The following ENO4 variants were observed in gnomAD, a reference collection of about 807,000 sequenced individuals.
The protein encoded by ENO4 is enolase 4.
Under a neutral mutation model 63.2 loss-of-function variants are expected in ENO4, and 53 were observed. The ratio of observed to expected loss-of-function variants is 0.84; its 90% confidence interval spans 0.67 to 1.05. ENO4 has a LOEUF of 1.05. Among genes scored for constraint, ENO4 ranks in the 50% least tolerant of loss-of-function variants. ENO4 has a pLI of 0.00. For missense variants in ENO4, 719 were observed against 772.0 expected, an observed-to-expected ratio of 0.93 and a Z score of 0.81; for synonymous variants, 266 against 283.8, an observed-to-expected ratio of 0.94 and a Z score of 0.63.
chr10:116,886,566 C>T (rs890364912), downstream of ENO4: 2 of 1,613,740 alleles, frequency 1.2e-6, no homozygotes, highest in Non-Finnish European at 1.7e-6. Flanking sequence ...TACTGGGAGG[C>T]CTATGAGATG....
chr10:116,883,473 T>C (rs1375818234), downstream of ENO4: 1 of 152,194 alleles, frequency 6.6e-6, no homozygotes, highest in African/African-American at 2.4e-5. Flanking sequence ...TAATGACAGA[T>C]GGTTATCCAT....
intron 6 of ENO4, among the ~76,000 whole-genome samples, chr10:116,862,316 T>C (rs751298630): frequency 4.5e-4 from 69 of 152,032 alleles, no homozygotes; most frequent in Non-Finnish European, 1.2e-4. Flanking sequence ...ATACAAAAAT[T>C]AGCCAGGCAT....
At position 116,856,758 on chromosome 10, in the gene ENO4, T is replaced by C. The variant is rs569113526; in HGVS notation, c.485+76T>C. The C allele has an allele frequency of 6.4e-5, 81 of 1,272,252 alleles. No homozygotes were observed. In the African/African-American group the frequency reaches 1.1e-3, roughly 17 times the overall value. 78.8% of individuals were successfully genotyped at this position (1,272,252 alleles called of 1,614,324 possible). On this transcript the variant is annotated intron_variant, in intron 3 of 13. Coordinates refer to ENST00000341276, the MANE Select transcript of ENO4 (RefSeq NM_001242699.2). Reference sequence around the variant, plus strand: ...GGCTCACGCCTGTAATCCCAGCACTTTGGGAGGCCGAGGCGGGCAGATCAC... The same window carrying C: ...GGCTCACGCCTGTAATCCCAGCACTCTGGGAGGCCGAGGCGGGCAGATCAC...
chr10:116,856,845 C>G (rs1234660536), intron 3 of ENO4, among the ~76,000 whole-genome samples, 163 bp downstream of exon 3: 1 of 152,036 alleles, frequency 6.6e-6, no homozygotes, highest in Non-Finnish European at 1.5e-5. Flanking sequence ...AAAAATTAGC[C>G]GGGCATGGTG....
At chr10:116,879,766 C>T (rs1232590899) in intron 12 of ENO4, 103 bp from the exon 13 acceptor site, 1 of 899,450 alleles carries the variant, frequency 1.1e-6, no homozygotes, top group East Asian at 2.7e-5. Context: ...AGAGAAAATC[C>T]CAAACAGCAC....
rs200148824 is a variant in ENO4 at position 116,879,342 on chromosome 10, A to T, written c.1589A>T (p.Asp530Val). 2.5e-4 allele frequency: 382 copies of T among 1,550,104 alleles called. No homozygotes were observed. The highest frequency in any genetic ancestry group is 1.5e-3 in the Middle Eastern group (9 of 6,016). ...FGSTEGESSD[D>V]SLVDLAVGLG... ...AGTACAGAAGGAGAATCATCTGATGACAGCCTTGTCGATTTGGTAAGTGCT... is the reference window on the plus strand; with the variant it reads ...AGTACAGAAGGAGAATCATCTGATGTCAGCCTTGTCGATTTGGTAAGTGCT... The change falls in exon 12 of 14, where the codon GAC becomes GTC. Residue 530 changes from aspartate to valine, a missense_variant. Asp to Val is a radical substitution (Grantham distance 152, BLOSUM62 -3). Around this residue, in one of 3 missense-constraint regions of ENO4, gnomAD observed 168 missense variants for 163.3 expected, o/e 1.03. Coordinates refer to ENST00000341276, the MANE Select transcript of ENO4 (RefSeq NM_001242699.2).
At chr10:116,898,199 G>A (rs563204580) in intron 10 of ENO4, among the ~76,000 whole-genome samples, 2 of 152,070 alleles carry the variant, frequency 1.3e-5, no homozygotes, top group Non-Finnish European at 2.9e-5. Context: ...ATGGTGGCAG[G>A]CACCTGTAAT....
chr10:116,899,093 T>C (rs1847626036), intron 10 of ENO4, among the ~76,000 whole-genome samples: 1 of 152,158 alleles, frequency 6.6e-6, no homozygotes, highest in Non-Finnish European at 1.5e-5. Context: ...ATTGAAAGCC[T>C]ACCATAAGGC....
At chr10:116,902,382 T>TA (rs1440087100) in intron 10 of ENO4, among the ~76,000 whole-genome samples, 1 of 152,238 alleles carries the variant, frequency 6.6e-6, no homozygotes, top group Non-Finnish European at 1.5e-5. Flanking sequence ...CAAAAGGCTC[T>TA]AAAAGGCTCA....
At chr10:116,861,977 CT>C (rs1846427345) in intron 6 of ENO4, among the ~76,000 whole-genome samples, 1 of 152,192 alleles carries the variant, frequency 6.6e-6, no homozygotes, top group African/African-American at 2.4e-5. Context: ...GTGTCAGGAT[CT>C]TTCCTTTAGT....
chr10:116,904,781 G>C (rs915466584), intron 10 of ENO4, among the ~76,000 whole-genome samples: 5 of 152,186 alleles, frequency 3.3e-5, no homozygotes, highest in African/African-American at 1.2e-4. Flanking sequence ...TGAAATGTGA[G>C]TATTGCACAT....
chr10:116,890,474 T>C (rs2133301926), intron 10 of ENO4, among the ~76,000 whole-genome samples: 1 of 152,308 alleles, frequency 6.6e-6, no homozygotes, highest in South Asian at 2.1e-4. Flanking sequence ...GGAATCCTGA[T>C]TTCCTGTCCA....
chr10:116,889,047 G>A (rs1221017209), intron 10 of ENO4, among the ~76,000 whole-genome samples: 1 of 152,154 alleles, frequency 6.6e-6, no homozygotes, highest in Non-Finnish European at 1.5e-5. Context: ...AAAGGAGGTA[G>A]TATTTCTCTC....
intron 8 of ENO4, among the ~76,000 whole-genome samples, chr10:116,870,721 T>C (rs988641079): frequency 6.6e-5 from 10 of 152,038 alleles, no homozygotes; most frequent in Admixed American, 6.6e-5. Flanking sequence ...AAACAGAACA[T>C]ACGAAAGAGC....
chr10:116,883,237 A>G (rs200496900), downstream of ENO4: 1 of 152,012 alleles, frequency 6.6e-6, no homozygotes, highest in African/African-American at 2.4e-5. Context: ...GGTGCTAGGC[A>G]CTCTTTCTAC....
chr10:116,850,022 C>A, intron 1 of ENO4: 1 of 557,614 alleles, frequency 1.8e-6, no homozygotes. Context: ...TCCTCGCTGC[C>A]TAAGAGGCCT....
intron 10 of ENO4, among the ~76,000 whole-genome samples, chr10:116,895,384 T>C (rs964283053): frequency 6.6e-6 from 1 of 152,234 alleles, no homozygotes; most frequent in African/African-American, 2.4e-5. Flanking sequence ...CAGCCCTTTA[T>C]TGGACATTTG....
intron 10 of ENO4, among the ~76,000 whole-genome samples, chr10:116,888,325 C>T (rs925382920): frequency 2.6e-5 from 4 of 152,180 alleles, no homozygotes; most frequent in African/African-American, 7.2e-5. Flanking sequence ...CTCTGACCCA[C>T]ACAATATTTA....
intron 10 of ENO4, among the ~76,000 whole-genome samples, chr10:116,894,050 T>C (rs1847431412): frequency 6.6e-6 from 1 of 152,190 alleles, no homozygotes; most frequent in African/African-American, 2.4e-5. Context: ...TAAAAATCAA[T>C]CTTACTTTTA....
Sources: allele counts gnomAD v4.1 joint callset (sites outside exome capture counted in the v4.1 genomes callset), GRCh38; gene constraint gnomAD v4.1.1; regional missense constraint gnomAD v4.1.1; transcripts MANE v1.5; gene names NCBI Gene and HGNC (gene_info 2026-07-23, HGNC 2026-07-21).